Variants in VPS37A observed in about 807,000 individuals in gnomAD.
The protein encoded by VPS37A is VPS37A subunit of ESCRT-I.
Under a neutral mutation model 49.8 loss-of-function variants are expected in VPS37A, and 30 were observed. The observed-to-expected ratio is 0.60, with a 90% CI of 0.45 to 0.82. The LOEUF is 0.82. Among genes scored for constraint, VPS37A ranks in the 40% least tolerant of loss-of-function variants. The pLI, the probability that VPS37A is intolerant of heterozygous loss-of-function variation, is 0.00. For missense variants in VPS37A, 593 were observed against 464.4 expected (o/e 1.28, Z -2.55); for synonymous variants, 195 against 160.6 (o/e 1.21, Z -1.62).
the VPS37A span, among the ~76,000 whole-genome samples, chr8:17,327,182 TAATC>T: frequency 1.3e-5 from 2 of 152,250 alleles, no homozygotes; most frequent in African/African-American, 4.8e-5. Flanking sequence ...GAAGTAAAAT[TAATC>T]AGTCTACTAC....
intron 9 of VPS37A, among the ~76,000 whole-genome samples, chr8:17,283,262 C>A (rs1350169185): frequency 6.6e-6 from 1 of 152,024 alleles, no homozygotes; most frequent in Non-Finnish European, 1.5e-5. Flanking sequence ...CTCAAGCGAT[C>A]CTCCCAATTC....
chr8:17,286,411 T>C lies in VPS37A; in HGVS notation c.1178T>C (p.Phe393Ser). 6.2e-7 allele frequency: 1 copy of C among 1,613,812 alleles called. No individual in the cohort carries two copies. The highest frequency in any genetic ancestry group is 8.5e-7 in the Non-Finnish European group (1 of 1,179,832). Residue 393 changes from phenylalanine (F) to serine (S), a missense_variant, in exon 11 of 12, where the codon TTT (phenylalanine) becomes TCT (serine). Phe to Ser is a radical substitution (Grantham distance 155). Coordinates refer to ENST00000324849, the MANE Select transcript of VPS37A (RefSeq NM_152415.3). The stretch of plus-strand genomic sequence containing the variant: ...CAGGCGATAGCAATGCACAGCCAAT[T>C]TCATGCTCCACTATAGGTAAATTGT... ...LQQAIAMHSQ[F>S]HAPL
At chr8:17,264,381 A>G (rs1245840340) in intron 1 of VPS37A, among the ~76,000 whole-genome samples, 1 of 152,246 alleles carries the variant, frequency 6.6e-6, no homozygotes, top group Non-Finnish European at 1.5e-5. Context: ...TGGTGTTCAT[A>G]CAAGGGAGGA....
Position 17,253,491 on chromosome 8 carries a change from T to C in VPS37A, c.125+6122T>C, listed in dbSNP as rs753316515. ...TGGTGATGTGACTGGTGGAAAGATA[T>C]CAACAAACAGAATGTAACGTTTCAT... On this transcript the variant is annotated intron_variant, in intron 1 of 11. Coordinates refer to ENST00000324849, the MANE Select transcript of VPS37A (RefSeq NM_152415.3). Among the ~76,000 whole-genome samples, 4 of 152,226 alleles carry C rather than the reference T, an allele frequency of 2.6e-5. No homozygotes were observed. The South Asian group carries it at 6.2e-4, about 24-fold the overall frequency.
intron 1 of VPS37A, among the ~76,000 whole-genome samples, chr8:17,261,514 G>A (rs966538782): frequency 3.9e-5 from 6 of 152,190 alleles, no homozygotes; most frequent in African/African-American, 1.4e-4. Flanking sequence ...CTCCCTGTTT[G>A]CTCTTGTTTC....
intron 4 of VPS37A, among the ~76,000 whole-genome samples, chr8:17,271,774 C>G (rs1814015752): frequency 6.6e-6 from 1 of 152,272 alleles, no homozygotes; most frequent in South Asian, 2.1e-4. Flanking sequence ...TTTTCTTACT[C>G]GACAGCACTC....
At chr8:17,287,354 C>T (rs555232640) in intron 11 of VPS37A, among the ~76,000 whole-genome samples, 7 of 152,206 alleles carry the variant, frequency 4.6e-5, no homozygotes, top group Admixed American at 4.6e-4. Context: ...TTGGTTGTTT[C>T]TTATTTCTGC....
At chr8:17,267,571 G>C (rs1012726656) in intron 2 of VPS37A, among the ~76,000 whole-genome samples, 12 of 152,130 alleles carry the variant, frequency 7.9e-5, no homozygotes, top group Admixed American at 5.2e-4. Flanking sequence ...TTAGAAGGGA[G>C]CCGTGTAGAA....
At chr8:17,275,002 C>G in intron 5 of VPS37A, 44 bp downstream of exon 5, 2 of 1,547,006 alleles carry the variant, frequency 1.3e-6, no homozygotes, top group Non-Finnish European at 8.9e-7. Context: ...CTGAAACATT[C>G]ATTCAATCCA....
chr8:17,263,484 C>A (rs2150367028), intron 1 of VPS37A, among the ~76,000 whole-genome samples: 1 of 151,698 alleles, frequency 6.6e-6, no homozygotes, highest in Admixed American at 6.6e-5. Context: ...TTATAAGTAT[C>A]ACCTTCTGTT....
At chr8:17,311,692 C>G in the VPS37A span, 4 of 1,610,556 alleles carry the variant, frequency 2.5e-6, no homozygotes, top group Admixed American at 3.3e-5. Flanking sequence ...AAAGGCAGAA[C>G]CTCTCATCAC....
the VPS37A span, among the ~76,000 whole-genome samples, chr8:17,319,255 G>C: frequency 1.3e-5 from 2 of 152,132 alleles, no homozygotes; most frequent in East Asian, 3.9e-4. Flanking sequence ...TATAAAATGG[G>C]GATAAAAACA....
At chr8:17,278,563 G>C (rs1814742543) in intron 6 of VPS37A, among the ~76,000 whole-genome samples, 2 of 152,094 alleles carry the variant, frequency 1.3e-5, no homozygotes. Context: ...GCAAAGTGAA[G>C]ATGCTGTGGG....
At chr8:17,311,611 A>G in the VPS37A span, 3 of 1,614,138 alleles carry the variant, frequency 1.9e-6, no homozygotes, top group East Asian at 2.2e-5. Flanking sequence ...GTGAACAAGC[A>G]CACTTGCCCC....
the VPS37A span, among the ~76,000 whole-genome samples, chr8:17,328,161 T>G: frequency 6.6e-6 from 1 of 152,186 alleles, no homozygotes; most frequent in Admixed American, 6.5e-5. Flanking sequence ...GCAAGTTGAT[T>G]GGCAGAGGAG....
chr8:17,306,642 T>C (rs763946292), downstream of VPS37A, among the ~76,000 whole-genome samples: 2 of 152,158 alleles, frequency 1.3e-5, no homozygotes, highest in Admixed American at 6.6e-5. Flanking sequence ...GATGTTTTGG[T>C]GTCATCAAAG....
intron 1 of VPS37A, among the ~76,000 whole-genome samples, chr8:17,252,390 T>C (rs1472784919): frequency 6.6e-6 from 1 of 152,126 alleles, no homozygotes; most frequent in Non-Finnish European, 1.5e-5. Flanking sequence ...TGCCCAGGCT[T>C]GTCTCTCAAA....
rs1487817389 is a variant in VPS37A, at chr8:17,247,367, C to A, written c.123C>A (p.Ser41=). 2.3e-5 allele frequency: 30 copies of A among 1,307,502 alleles called. No homozygotes were observed. Among genetic ancestry groups the A allele is most frequent in the Non-Finnish European group, 2.8e-5 (28 of 1,000,466 alleles). The allele number at this position is 1,307,502 out of a possible 1,614,324, so 81.0% of individuals were successfully genotyped here. Residue 41 remains serine, a splice_region_variant and synonymous_variant, in exon 1 of 12, where the codon TCC becomes TCA. Coordinates refer to ENST00000324849, the MANE Select transcript of VPS37A (RefSeq NM_152415.3). The part of the protein sequence containing the change: ...RLIESLRNSH[S]SIAEIQKDVE... ...TCGAGTCCCTCCGGAACTCACACTC[C>A]AGGTGACTGGTCGCTGCCTCTCCAC... is the stretch of plus-strand genomic sequence containing the variant.
intron 11 of VPS37A, among the ~76,000 whole-genome samples, chr8:17,289,162 G>T (rs192084955): frequency 3.3e-5 from 5 of 152,098 alleles, no homozygotes; most frequent in African/African-American, 9.7e-5. Context: ...GTGGCCTGTT[G>T]ATTCTGATGG....
Sources: gnomAD v4.1 joint callset for allele counts (sites outside exome capture counted in the v4.1 genomes callset) on GRCh38, gnomAD v4.1.1 for gene constraint, MANE v1.5 for transcripts, NCBI Gene and HGNC (gene_info 2026-07-23, HGNC 2026-07-21) for gene names.